Variants in PARP8 observed in about 807,000 individuals in gnomAD.
The protein encoded by PARP8 is poly(ADP-ribose) polymerase family member 8.
A neutral mutation model predicts 124.1 loss-of-function variants in PARP8; 51 were observed. The observed-to-expected ratio is 0.41, with a 90% CI of 0.33 to 0.52. The LOEUF (loss-of-function observed/expected upper bound fraction) is 0.52, where lower values mean the gene tolerates loss of function less well. Ranked by LOEUF, PARP8 falls within the 20% of genes least tolerant of loss-of-function variation. The probability of loss-of-function intolerance (pLI) is 0.21; values close to 1 mark genes in which losing one functional copy is unlikely to be tolerated. For missense variants in PARP8, 860 were observed against 1,018.9 expected (o/e 0.84, Z 2.12); for synonymous variants, 391 against 361.5 (o/e 1.08, Z -0.93).
intron 2 of PARP8, among the ~76,000 whole-genome samples, chr5:50,743,875 C>G (rs1422409756): frequency 6.6e-6 from 1 of 152,054 alleles, no homozygotes; most frequent in Non-Finnish European, 1.5e-5. Context: ...CTGCCTTTTG[C>G]TTTTTCTTAT....
chr5:50,732,328 A>T (rs574812459), intron 2 of PARP8, among the ~76,000 whole-genome samples: 2 of 152,238 alleles, frequency 1.3e-5, no homozygotes, highest in South Asian at 4.1e-4. Flanking sequence ...AACATATGAT[A>T]GTATTATCTG....
At chr5:50,740,510 C>T (rs1437561887) in intron 2 of PARP8, among the ~76,000 whole-genome samples, 1 of 152,042 alleles carries the variant, frequency 6.6e-6, no homozygotes, top group Non-Finnish European at 1.5e-5. Context: ...GAAGGTCTTG[C>T]GGGGGCTTTA....
At chr5:50,827,527 T>C (rs1746480211) in intron 19 of PARP8, among the ~76,000 whole-genome samples, 1 of 152,194 alleles carries the variant, frequency 6.6e-6, no homozygotes, top group South Asian at 2.1e-4. Context: ...TGCAGTTTTA[T>C]AAACTTTTCT....
chr5:50,685,260 G>A (rs1403624899), intron 2 of PARP8, among the ~76,000 whole-genome samples: 1 of 152,100 alleles, frequency 6.6e-6, no homozygotes, highest in African/African-American at 2.4e-5. Flanking sequence ...AAATAAAAGG[G>A]GATTTTCTTG....
intron 2 of PARP8, among the ~76,000 whole-genome samples, chr5:50,708,192 T>G (rs1754360920): frequency 1.3e-5 from 2 of 152,206 alleles, no homozygotes; most frequent in South Asian, 4.1e-4. Context: ...ATCAAATAAA[T>G]TATCAATAAT....
chr5:50,794,358 G>C, intron 11 of PARP8, 26 bp downstream of exon 11: 1 of 1,609,698 alleles, frequency 6.2e-7, no homozygotes, highest in East Asian at 2.2e-5. Flanking sequence ...CTTCGTCATT[G>C]TCTTACTGAA....
At position 50,817,827 on chromosome 5, in the gene PARP8, G is replaced by A. The variant is rs369529761; in HGVS notation, c.1668+2303G>A. Among the ~76,000 whole-genome samples the A allele has an allele frequency of 2.9e-3, 447 of 152,128 alleles. 2 individuals carry two copies. Among genetic ancestry groups the A allele is most frequent in the African/African-American group, 0.01 (432 of 41,496 alleles). On this transcript the variant is annotated intron_variant, in intron 15 of 25. Coordinates refer to ENST00000281631, the MANE Select transcript of PARP8 (RefSeq NM_024615.4). ...GACTAATGACTAAAGACTAATGACC[G>A]AATTTTTCTCATTTGCCTGAAAGGG...
chr5:50,702,332 A>AG (rs1178838265), intron 2 of PARP8, among the ~76,000 whole-genome samples: 10 of 152,306 alleles, frequency 6.6e-5, no homozygotes, highest in African/African-American at 1.7e-4. Flanking sequence ...TCCCTGATAA[A>AG]GCATAACAGT....
At chr5:50,741,020 C>A (rs1198572092) in intron 2 of PARP8, among the ~76,000 whole-genome samples, 1 of 151,938 alleles carries the variant, frequency 6.6e-6, no homozygotes, top group African/African-American at 2.4e-5. Context: ...TTAGTTTTTC[C>A]GTCTTGGTAT....
At chr5:50,739,037 G>A in intron 2 of PARP8, 1 of 702,536 alleles carries the variant, frequency 1.4e-6, no homozygotes, top group Non-Finnish European at 2.6e-6. Flanking sequence ...AGAGACCAGA[G>A]CTGTCTGCTT....
At chr5:50,748,336 A>T (rs1758844740) in intron 2 of PARP8, among the ~76,000 whole-genome samples, 1 of 152,158 alleles carries the variant, frequency 6.6e-6, no homozygotes, top group African/African-American at 2.4e-5. Flanking sequence ...GCAACTGTTT[A>T]AGACCATCCT....
intron 21 of PARP8, 114 bp from the exon 22 acceptor site, chr5:50,829,778 T>C (rs1746743176): frequency 9.9e-7 from 1 of 1,009,026 alleles, no homozygotes; most frequent in Non-Finnish European, 1.4e-6. Flanking sequence ...GAATAGAAGC[T>C]CTGTCATTTT....
rs1226755837 is a variant in PARP8 at position 50,752,860 on chromosome 5, A to G, written c.184+2672A>G. On this transcript the variant is annotated intron_variant, in intron 3 of 25. Transcript: ENST00000281631. ...TATATCAGTATTATCCTCCAAAGTC[A>G]AGATTACATCATTCTAGCTTATGTC... Among the ~76,000 whole-genome samples, 3 of 152,082 alleles carry G rather than the reference A, an allele frequency of 2.0e-5. No homozygotes were observed. In the East Asian group the frequency reaches 5.8e-4, roughly 29 times the overall value.
At chr5:50,826,724 A>T (rs371534387) in intron 18 of PARP8, 31 bp from the exon 19 acceptor site, 4 of 1,564,632 alleles carry the variant, frequency 2.6e-6, no homozygotes, top group Non-Finnish European at 3.4e-6. Context: ...TTTGGCATGT[A>T]TTTGTGACTA....
intron 2 of PARP8, among the ~76,000 whole-genome samples, chr5:50,672,957 A>T (rs1272179262): frequency 6.6e-6 from 1 of 152,210 alleles, no homozygotes; most frequent in African/African-American, 2.4e-5. Flanking sequence ...ATCTTGGCAT[A>T]TACAGTTACT....
chr5:50,780,995 C>T (rs1291735788), intron 9 of PARP8, among the ~76,000 whole-genome samples: 1 of 152,042 alleles, frequency 6.6e-6, no homozygotes, highest in Admixed American at 6.5e-5. Context: ...ATACCTGAGT[C>T]TTAATTCACC....
At chr5:50,791,400 T>C (rs1452016609) in intron 10 of PARP8, among the ~76,000 whole-genome samples, 4 of 152,162 alleles carry the variant, frequency 2.6e-5, no homozygotes, top group Non-Finnish European at 4.4e-5. Flanking sequence ...AGCGAGAAAG[T>C]GATAGAGTCA....
chr5:50,798,506 C>T (rs575302635), intron 14 of PARP8, among the ~76,000 whole-genome samples: 41 of 151,448 alleles, frequency 2.7e-4, no homozygotes, highest in Non-Finnish European at 4.4e-4. Context: ...CTGCAAGCTC[C>T]GCCTTCTGGG....
chr5:50,787,232 A>C (rs1312716468), intron 9 of PARP8, among the ~76,000 whole-genome samples: 1 of 152,146 alleles, frequency 6.6e-6, no homozygotes, highest in African/African-American at 2.4e-5. Context: ...CACTTGTTGC[A>C]ATAAGTTCCT....
Sources: allele counts gnomAD v4.1 joint callset (sites outside exome capture counted in the v4.1 genomes callset), GRCh38; gene constraint gnomAD v4.1.1; transcripts MANE v1.5; gene names NCBI Gene and HGNC (gene_info 2026-07-23, HGNC 2026-07-21).